Variants in CYFIP2 observed in about 807,000 individuals in gnomAD.
CYFIP2 encodes the protein cytoplasmic FMR1-interacting protein 2.
A neutral mutation model predicts 158.7 loss-of-function variants in CYFIP2; 29 were observed. That is an observed-to-expected ratio of 0.18 (90% CI 0.14 to 0.25). The LOEUF is 0.25. Among genes scored for constraint, CYFIP2 ranks in the 10% least tolerant of loss-of-function variants. The pLI is 1.00. For synonymous variants in CYFIP2, 585 were observed against 617.6 expected (o/e 0.95, Z 0.78); for missense variants, 852 against 1,639.5 (o/e 0.52, Z 8.29).
At chr5:157,372,668 C>G (rs900985063) in intron 26 of CYFIP2, among the ~76,000 whole-genome samples, 1 of 152,146 alleles carries the variant, frequency 6.6e-6, no homozygotes, top group Non-Finnish European at 1.5e-5. Context: ...TTTATAGACG[C>G]ATTTGCTAGC....
At chr5:157,307,641 GTGTGTGTGTGTGTGTA>G (rs895060579) in intron 8 of CYFIP2, 104 bp from the exon 9 acceptor site, 18 of 594,786 alleles carry the variant, frequency 3.0e-5, no homozygotes, top group African/African-American at 5.7e-5. Context: ...TACAGGGTGT[GTGTGTGTGTGTGTGTA>G]TGTGTGTGTG....
intron 6 of CYFIP2, among the ~76,000 whole-genome samples, chr5:157,302,518 C>G (rs1433744114): frequency 6.6e-6 from 1 of 152,178 alleles, no homozygotes; most frequent in Admixed American, 6.5e-5. Flanking sequence ...TGATGGGATG[C>G]TAGTTCCCCT....
chr5:157,275,946 A>G (rs1756508811), intron 1 of CYFIP2, among the ~76,000 whole-genome samples: 1 of 152,142 alleles, frequency 6.6e-6, no homozygotes, highest in African/African-American at 2.4e-5. Context: ...TTATTTTCAT[A>G]TTGTGCATTG....
At position 157,299,787 on chromosome 5, in the gene CYFIP2, A is replaced by C. The variant is rs1220280304; in HGVS notation, c.388-928A>C. 5.3e-5 allele frequency among the ~76,000 whole-genome samples: 8 copies of C among 152,142 alleles called. No individual in the cohort carries two copies. The East Asian group carries it at 1.5e-3, about 29-fold the overall frequency. Reference sequence around the variant, plus strand: ...CATGGTGGTGCATGCCTGTAATCTCAGCTACCCAGGAGGCTTAGGCAGGAG... The same window carrying C: ...CATGGTGGTGCATGCCTGTAATCTCCGCTACCCAGGAGGCTTAGGCAGGAG... On this transcript the variant is annotated intron_variant, in intron 5 of 30. Coordinates refer to ENST00000620254, the MANE Select transcript of CYFIP2 (RefSeq NM_001037333.3).
At chr5:157,348,973 C>T (rs1439363868) in intron 23 of CYFIP2, among the ~76,000 whole-genome samples, 1 of 151,512 alleles carries the variant, frequency 6.6e-6, no homozygotes, top group Non-Finnish European at 1.5e-5. Flanking sequence ...AAGCATCCTC[C>T]CCACACCGTG....
At position 157,389,435 on chromosome 5, in the gene CYFIP2, C is replaced by T. The variant is rs749931246; in HGVS notation, c.3446+8C>T. On this transcript the variant is annotated splice_region_variant and intron_variant, in intron 29 of 30. Transcript: ENST00000620254. Reference sequence around the variant, plus strand: ...CAACGAGTTCACAGCTGAGTGAGTACCCCCCAGAGAAGGCAGGGTTACCCC... The same window carrying T: ...CAACGAGTTCACAGCTGAGTGAGTATCCCCCAGAGAAGGCAGGGTTACCCC... The T allele has an allele frequency of 7.7e-6, 12 of 1,567,620 alleles. No homozygotes were observed. The Middle Eastern group carries it at 6.8e-4, about 88-fold the overall frequency.
intron 12 of CYFIP2, 24 bp from the exon 13 acceptor site, chr5:157,314,945 T>C (rs1167909209): frequency 1.9e-6 from 3 of 1,544,150 alleles, no homozygotes; most frequent in East Asian, 4.8e-5. Context: ...TGATGGACGT[T>C]TGGTTTGTTC....
At chr5:157,376,685 C>T in intron 26 of CYFIP2, 1 of 204,346 alleles carries the variant, frequency 4.9e-6, no homozygotes, top group Non-Finnish European at 1.0e-5. Context: ...TCTCTTGGGT[C>T]TCATATAGTC....
At chr5:157,335,301 G>A (rs1023650603) in intron 21 of CYFIP2, among the ~76,000 whole-genome samples, 4 of 152,074 alleles carry the variant, frequency 2.6e-5, no homozygotes, top group Admixed American at 6.5e-5. Context: ...CTTTTGAGAC[G>A]GAGTCTTGCT....
At chr5:157,305,689 A>AT (rs1222100550) in intron 8 of CYFIP2, among the ~76,000 whole-genome samples, 1 of 151,942 alleles carries the variant, frequency 6.6e-6, no homozygotes, top group Non-Finnish European at 1.5e-5. Context: ...TTTTTAAAAA[A>AT]TTTTTTGTAG....
chr5:157,356,136 C>T (rs967973110), intron 23 of CYFIP2, among the ~76,000 whole-genome samples: 3 of 152,158 alleles, frequency 2.0e-5, no homozygotes, highest in Non-Finnish European at 4.4e-5. Context: ...ACATTTATTT[C>T]TCACAGTTCT....
At chr5:157,281,872 C>T (rs1580963667) in intron 1 of CYFIP2, among the ~76,000 whole-genome samples, 1 of 152,086 alleles carries the variant, frequency 6.6e-6, no homozygotes, top group Non-Finnish European at 1.5e-5. Context: ...GCTTGCCTTT[C>T]CATTGTTTGT....
intron 8 of CYFIP2, 93 bp downstream of exon 8, chr5:157,304,459 T>G: frequency 7.0e-7 from 1 of 1,436,894 alleles, no homozygotes; most frequent in African/African-American, 1.4e-5. Context: ...AATGTTTCTT[T>G]TTTCTTAAAC....
At chr5:157,303,417 C>A (rs546630023) in intron 7 of CYFIP2, among the ~76,000 whole-genome samples, 1 of 152,312 alleles carries the variant, frequency 6.6e-6, no homozygotes, top group South Asian at 2.1e-4. Flanking sequence ...CCAGGGTACA[C>A]CCCTCAGCTG....
rs567288934 is a variant in CYFIP2 at position 157,296,654 on chromosome 5, T to A, written c.286-19T>A. The A allele has an allele frequency of 6.2e-7, 1 of 1,604,202 alleles. No homozygotes were observed. The highest frequency in any genetic ancestry group is 1.3e-5 in the African/African-American group (1 of 74,786). ...ACAGGTGTAAACCAGGATGTGTGTG[T>A]CCCCATTATCCCCCACAGGTGAAAT... On this transcript the variant is annotated intron_variant, in intron 4 of 30. Coordinates refer to ENST00000620254, the MANE Select transcript of CYFIP2 (RefSeq NM_001037333.3).
Position 157,266,246 on chromosome 5 carries a change from C to CG in CYFIP2, c.-24+55dup, listed in dbSNP as rs952224393. 2.0e-5 allele frequency: 3 copies of CG among 150,836 alleles called. No homozygotes were observed. Among genetic ancestry groups the CG allele is most frequent in the African/African-American group, 4.8e-5 (2 of 41,298 alleles). The allele number at this position is 150,836 out of a possible 1,614,324, so 9.3% of individuals were successfully genotyped here. On this transcript the variant is annotated intron_variant, in intron 1 of 30. Coordinates refer to ENST00000620254, the MANE Select transcript of CYFIP2 (RefSeq NM_001037333.3). The surrounding 1 kb of genome is among the most constrained non-coding windows in gnomAD (Gnocchi z 4.2). ...CCGGGCACGGGGACTAGGATGCCGC[C>CG]GGGGACGGGGATGAGGCCGTGAGGA...
chr5:157,377,600 C>T (rs1384873652), intron 26 of CYFIP2, among the ~76,000 whole-genome samples: 3 of 152,100 alleles, frequency 2.0e-5, no homozygotes, highest in African/African-American at 7.2e-5. Flanking sequence ...ATCTGGTCTC[C>T]CTCACCTACT....
chr5:157,303,643 A>G (rs752146303), intron 7 of CYFIP2, among the ~76,000 whole-genome samples: 1 of 152,132 alleles, frequency 6.6e-6, no homozygotes, highest in Non-Finnish European at 1.5e-5. Context: ...TCAGTAACTG[A>G]GGCCTCAGGT....
intron 22 of CYFIP2, among the ~76,000 whole-genome samples, chr5:157,340,303 G>A (rs765211874): frequency 4.6e-5 from 7 of 152,244 alleles, no homozygotes; most frequent in Non-Finnish European, 8.8e-5. Flanking sequence ...TTGAATGAGT[G>A]TGTGTTGAAT....
Sources: gnomAD v4.1 joint callset for allele counts (sites outside exome capture counted in the v4.1 genomes callset) on GRCh38, gnomAD v4.1.1 for gene constraint, Gnocchi (gnomAD v3.1) non-coding constraint, MANE v1.5 for transcripts, NCBI Gene and HGNC (gene_info 2026-07-23, HGNC 2026-07-21) for gene names.